HCRTR2: variants seen among roughly 807,000 people sequenced by gnomAD.
HCRTR2 encodes the protein orexin receptor type 2.
HCRTR2 carries 22 observed loss-of-function variants against 49.0 expected under a neutral mutation model. The observed-to-expected ratio is 0.45, with a 90% confidence interval of 0.32 to 0.64. HCRTR2 has a LOEUF of 0.64. HCRTR2 is among the 30% of genes least tolerant of loss of function. HCRTR2 has a pLI of 0.04. For synonymous variants in HCRTR2, 236 were observed against 205.3 expected (o/e 1.15, Z -1.28); for missense variants, 491 against 559.4 (o/e 0.88, Z 1.23).
intron 4 of HCRTR2, among the ~76,000 whole-genome samples, chr6:55,274,867 T>C (rs566352200): frequency 2.0e-4 from 30 of 152,278 alleles, no homozygotes; most frequent in South Asian, 4.1e-4. Context: ...TTGGAACATA[T>C]TATATTTTCT....
chr6:55,223,268 T>G (rs901722238), intron 1 of HCRTR2, among the ~76,000 whole-genome samples: 4 of 152,162 alleles, frequency 2.6e-5, no homozygotes, highest in Middle Eastern at 3.2e-3. Context: ...TGCCAAACAA[T>G]TAGGTTGATC....
intron 1 of HCRTR2, among the ~76,000 whole-genome samples, chr6:55,160,801 T>A (rs1340135735): frequency 1.3e-5 from 2 of 152,170 alleles, no homozygotes; most frequent in African/African-American, 4.8e-5. Context: ...TAAATATATA[T>A]GCACCCAATT....
chr6:55,141,334 A>T (rs1764504883), intron 1 of HCRTR2, among the ~76,000 whole-genome samples: 1 of 152,074 alleles, frequency 6.6e-6, no homozygotes, highest in Non-Finnish European at 1.5e-5. Context: ...ACAGAGCAAG[A>T]CTCTATCTCA....
chr6:55,193,297 A>T (rs1303782818), intron 1 of HCRTR2, among the ~76,000 whole-genome samples: 2 of 152,208 alleles, frequency 1.3e-5, no homozygotes, highest in Non-Finnish European at 2.9e-5. Context: ...TAAACAGAGT[A>T]CTGTGGTCTA....
intron 4 of HCRTR2, among the ~76,000 whole-genome samples, chr6:55,275,918 C>G (rs912904971): frequency 1.3e-5 from 2 of 151,812 alleles, no homozygotes; most frequent in African/African-American, 4.8e-5. Flanking sequence ...TTCAGGGGAA[C>G]AGTCAGTGAT....
At chr6:55,112,546 T>A (rs1764062954) in intron 1 of HCRTR2, among the ~76,000 whole-genome samples, 1 of 110,336 alleles carries the variant, frequency 9.1e-6, no homozygotes, top group South Asian at 2.6e-4. Flanking sequence ...TTACAATAGC[T>A]GCAAAAAAAA....
chr6:55,262,765 A>AAT lies in HCRTR2; in HGVS notation c.647-921_647-920dup, dbSNP rs3065669. Among the ~76,000 whole-genome samples the AAT allele has an allele frequency of 9.3e-3, 1,291 of 138,828 alleles. 7 individuals are homozygous for AAT. The highest frequency in any genetic ancestry group is 0.014 in the Admixed American group (176 of 12,942). The allele number at this position is 138,828 out of a possible 152,430, so 91.1% of individuals were successfully genotyped here. A position where few individuals can be genotyped will look rare whatever the true frequency, so the allele number is the denominator to read the frequency against. On this transcript the variant is annotated intron_variant, in intron 3 of 6. Transcript: ENST00000370862. ...ATATATATATATGTATTAGGTAGGG[A>AAT]ATATATATATATATATATATATCTT...
intron 1 of HCRTR2, among the ~76,000 whole-genome samples, chr6:55,166,408 T>G (rs1764878386): frequency 7.0e-6 from 1 of 142,826 alleles, no homozygotes; most frequent in African/African-American, 2.6e-5. Context: ...ATTGTTAGTT[T>G]TTTTTTTTTA....
chr6:55,239,602 C>G (rs113349220), intron 1 of HCRTR2, among the ~76,000 whole-genome samples: 229 of 152,244 alleles, frequency 1.5e-3, no homozygotes, highest in Admixed American at 4.9e-3. Context: ...ATCAACACTA[C>G]AGAGGCACCA....
intron 1 of HCRTR2, among the ~76,000 whole-genome samples, chr6:55,186,878 T>A (rs1765224334): frequency 6.6e-6 from 1 of 152,164 alleles, no homozygotes; most frequent in African/African-American, 2.4e-5. Flanking sequence ...TTCTTTTCCA[T>A]TGCCAGTGAC....
chr6:55,264,786 C>A (rs1446579731), intron 4 of HCRTR2, among the ~76,000 whole-genome samples: 1 of 152,064 alleles, frequency 6.6e-6, no homozygotes, highest in Non-Finnish European at 1.5e-5. Context: ...AAACTTACTG[C>A]CGATACTTAC....
chr6:55,274,179 C>A (rs1767028534), intron 4 of HCRTR2, among the ~76,000 whole-genome samples: 1 of 148,752 alleles, frequency 6.7e-6, no homozygotes, highest in Admixed American at 6.7e-5. Flanking sequence ...TGCATGTCCA[C>A]AATGAATATA....
intron 1 of HCRTR2, among the ~76,000 whole-genome samples, chr6:55,178,857 C>T (rs1765084548): frequency 6.6e-6 from 1 of 152,122 alleles, no homozygotes; most frequent in South Asian, 2.1e-4. Flanking sequence ...CTTAAATTTG[C>T]CTGTGCTGGG....
intron 1 of HCRTR2, among the ~76,000 whole-genome samples, chr6:55,199,803 T>A (rs1765478868): frequency 6.6e-6 from 1 of 152,170 alleles, no homozygotes; most frequent in Non-Finnish European, 1.5e-5. Context: ...ATCCTAGGTT[T>A]CTCCCTTGTT....
intron 1 of HCRTR2, among the ~76,000 whole-genome samples, chr6:55,159,153 C>T (rs919600210): frequency 1.3e-5 from 2 of 152,168 alleles, no homozygotes; most frequent in African/African-American, 4.8e-5. Flanking sequence ...ACTGGTGATA[C>T]CCAGGCAAAT....
intron 3 of HCRTR2, among the ~76,000 whole-genome samples, chr6:55,256,528 C>A (rs1178079801): frequency 1.3e-5 from 2 of 152,028 alleles, no homozygotes; most frequent in Non-Finnish European, 2.9e-5. Context: ...TGTTGCAAGA[C>A]CTATAATAAC....
chr6:55,273,389 A>G lies in HCRTR2; in HGVS notation c.763-3991A>G, dbSNP rs1306779261. Among the ~76,000 whole-genome samples the G allele has an allele frequency of 3.3e-5, 5 of 152,226 alleles. No individual in the cohort carries two copies. In the East Asian group the frequency reaches 9.7e-4, roughly 29 times the overall value. The stretch of plus-strand genomic sequence containing the variant: ...AAGTTTCTTAGCACTTAGCAAATGG[A>G]GCAGGCATTTGCTATGCATTAAAAA... On this transcript the variant is annotated intron_variant, in intron 4 of 6. Coordinates refer to ENST00000370862, the MANE Select transcript of HCRTR2 (RefSeq NM_001384272.1).
upstream of HCRTR2, among the ~76,000 whole-genome samples, chr6:55,170,591 ATTTTT>A (rs1253529743): frequency 7.2e-6 from 1 of 138,248 alleles, no homozygotes; most frequent in Non-Finnish European, 1.6e-5. Flanking sequence ...TTATTTATTT[ATTTTT>A]ATTATACTTT....
chr6:55,109,310 G>C (rs4524609), intron 1 of HCRTR2, among the ~76,000 whole-genome samples: 2,561 of 152,148 alleles, frequency 0.017, 72 homozygotes, highest in African/African-American at 0.058. Context: ...GACAAAACAA[G>C]GTTCTTTAAC....
Sources: gnomAD v4.1 joint callset for allele counts (sites outside exome capture counted in the v4.1 genomes callset) on GRCh38, gnomAD v4.1.1 for gene constraint, MANE v1.5 for transcripts, NCBI Gene and HGNC (gene_info 2026-07-23, HGNC 2026-07-21) for gene names.